PREX2: variants seen among roughly 807,000 people sequenced by gnomAD.
PREX2 encodes the protein phosphatidylinositol 3,4,5-trisphosphate-dependent Rac exchanger 2 protein.
In PREX2, 107 loss-of-function variants were observed where a neutral mutation model predicts 203.2. The observed-to-expected ratio is 0.53, with a 90% CI of 0.45 to 0.62. PREX2 has a LOEUF of 0.62. PREX2 is among the 20% of genes least tolerant of loss of function. The probability of loss-of-function intolerance (pLI) is 0.00; values close to 1 mark genes in which losing one functional copy is unlikely to be tolerated. For synonymous variants in PREX2, 672 were observed against 663.6 expected (o/e 1.01, Z -0.19); for missense variants, 1,777 against 1,955.9 (o/e 0.91, Z 1.72).
intron 14 of PREX2, among the ~76,000 whole-genome samples, chr8:68,075,456 T>C (rs1045022516): frequency 2.0e-5 from 3 of 152,208 alleles, no homozygotes; most frequent in African/African-American, 7.2e-5. Context: ...TCTAAAGCTC[T>C]GCTGCAGCGT....
chr8:68,218,515 A>G (rs1385291771), intron 38 of PREX2, among the ~76,000 whole-genome samples: 1 of 152,240 alleles, frequency 6.6e-6, no homozygotes, highest in Non-Finnish European at 1.5e-5. Flanking sequence ...CAAGAAATTG[A>G]TTTAACAAAT....
intron 5 of PREX2, among the ~76,000 whole-genome samples, chr8:68,028,481 A>C (rs1807794345): frequency 6.6e-6 from 1 of 152,020 alleles, no homozygotes; most frequent in Non-Finnish European, 1.5e-5. Context: ...ATTTGAACTA[A>C]AAATATAGTT....
At chr8:68,230,219 T>A (rs1813139324) in intron 39 of PREX2, among the ~76,000 whole-genome samples, 1 of 152,216 alleles carries the variant, frequency 6.6e-6, no homozygotes, top group Non-Finnish European at 1.5e-5. Context: ...GGATTAAATG[T>A]CAAAGGGAGA....
chr8:68,159,392 C>T (rs1811609610), intron 35 of PREX2, among the ~76,000 whole-genome samples: 1 of 152,100 alleles, frequency 6.6e-6, no homozygotes, highest in Non-Finnish European at 1.5e-5. Flanking sequence ...AGTGAATGGC[C>T]ATATAGTCTC....
intron 35 of PREX2, among the ~76,000 whole-genome samples, chr8:68,169,710 T>A (rs1447786595): frequency 6.6e-6 from 1 of 152,160 alleles, no homozygotes; most frequent in African/African-American, 2.4e-5. Flanking sequence ...TTGTTTACAC[T>A]GTATTAGGCC....
intron 35 of PREX2, among the ~76,000 whole-genome samples, chr8:68,177,549 A>G (rs191496799): frequency 1.3e-5 from 2 of 152,352 alleles, no homozygotes; most frequent in Admixed American, 1.3e-4. Flanking sequence ...TGAATGACAC[A>G]GTAAGGCCCT....
Position 68,019,547 on chromosome 8 carries a change from A to G in PREX2, c.214-2A>G. On this transcript the variant is annotated splice_acceptor_variant, in intron 2 of 39. Coordinates refer to ENST00000288368, the MANE Select transcript of PREX2 (RefSeq NM_024870.4). LOFTEE classifies it high-confidence loss of function. ...CTTACTTACACATTTGTTTATTTAC[A>G]GATGTTGTTCTCAAACATTGAAGAC... The G allele has an allele frequency of 1.9e-6, 3 of 1,605,014 alleles. No homozygotes were observed. Among genetic ancestry groups the G allele is most frequent in the African/African-American group, 1.3e-5 (1 of 74,524 alleles).
chr8:68,112,231 A>T (rs1275511218), intron 25 of PREX2, among the ~76,000 whole-genome samples: 1 of 152,232 alleles, frequency 6.6e-6, no homozygotes, highest in African/African-American at 2.4e-5. Context: ...AAAGTTAAAG[A>T]CTTTTGCCCT....
chr8:68,185,336 A>G (rs895527253), intron 35 of PREX2, among the ~76,000 whole-genome samples: 1 of 151,880 alleles, frequency 6.6e-6, no homozygotes, highest in Non-Finnish European at 1.5e-5. Context: ...CTCTCTCTCT[A>G]CCTTACATGA....
rs1563554531 is a variant in PREX2 at position 68,119,381 on chromosome 8, C to G, written c.3422-51C>G. 2.5e-6 allele frequency: 3 copies of G among 1,203,262 alleles called. No homozygotes were observed. In the Admixed American group the frequency reaches 5.1e-5, roughly 20 times the overall value. The allele number at this position is 1,203,262 out of a possible 1,614,324, so 74.5% of individuals were successfully genotyped here. ...TATTACAATATTTTGGTACGTTAAA[C>G]ATAAGATGAGTGATTTTGGTTTTTG... On this transcript the variant is annotated intron_variant, in intron 27 of 39. Transcript: ENST00000288368.
chr8:68,134,092 T>C lies in PREX2; in HGVS notation c.3800T>C (p.Phe1267Ser). Residue 1267 changes from phenylalanine (F) to serine (S), a missense_variant, in exon 32 of 40, where the codon TTC becomes TCC. Phe to Ser is a radical substitution (Grantham distance 155). Coordinates refer to ENST00000288368, the MANE Select transcript of PREX2 (RefSeq NM_024870.4). ...ACACAGCTCCGTAGAGACATGGTTT[T>C]CTGCCAGACTCTTGTGGCCACTGTC... The part of the protein sequence containing the change: ...SETQLRRDMV[F>S]CQTLVATVCA... 1 of 1,614,176 alleles carries C rather than the reference T, an allele frequency of 6.2e-7. No individual in the cohort carries two copies.
chr8:67,955,442 C>T (rs1386904156), intron 1 of PREX2, among the ~76,000 whole-genome samples: 1 of 152,168 alleles, frequency 6.6e-6, no homozygotes, highest in African/African-American at 2.4e-5. Context: ...GCTGTGCTTC[C>T]TCAGGCCTCT....
intron 26 of PREX2, among the ~76,000 whole-genome samples, chr8:68,118,215 T>C (rs560237067): frequency 1.3e-5 from 2 of 151,786 alleles, no homozygotes; most frequent in South Asian, 2.1e-4. Flanking sequence ...ATTAGCCTGG[T>C]GTGGTGGCGG....
chr8:68,189,422 G>A (rs1474374627), intron 35 of PREX2, among the ~76,000 whole-genome samples: 1 of 152,080 alleles, frequency 6.6e-6, no homozygotes, highest in Non-Finnish European at 1.5e-5. Context: ...CCCATTGCAT[G>A]TTCCTCACAC....
chr8:68,147,399 A>G (rs567238176), intron 34 of PREX2, among the ~76,000 whole-genome samples: 2 of 152,240 alleles, frequency 1.3e-5, no homozygotes, highest in Non-Finnish European at 2.9e-5. Context: ...GGTGGGAGGT[A>G]ATTGAATAAT....
chr8:68,157,289 T>A, intron 34 of PREX2, 33 bp from the exon 35 acceptor site: 1 of 1,189,596 alleles, frequency 8.4e-7, no homozygotes, highest in African/African-American at 1.5e-5. Context: ...AGTTATAAAG[T>A]TGCTTGTAAA....
At chr8:68,204,678 CTTTTTTTTTT>C (rs1192583427) in intron 37 of PREX2, among the ~76,000 whole-genome samples, 2 of 83,426 alleles carry the variant, frequency 2.4e-5, no homozygotes, top group Non-Finnish European at 2.2e-5. Context: ...TTTCTTCTTT[CTTTTTTTTTT>C]TTTTTTTTTT....
chr8:68,230,188 C>T (rs2129615627), intron 39 of PREX2, among the ~76,000 whole-genome samples: 1 of 151,636 alleles, frequency 6.6e-6, no homozygotes, highest in South Asian at 2.1e-4. Flanking sequence ...CATTCTTCTC[C>T]TTTGATCTAT....
intron 4 of PREX2, among the ~76,000 whole-genome samples, chr8:68,024,020 A>G (rs1356252395): frequency 1.3e-5 from 2 of 152,024 alleles, no homozygotes; most frequent in African/African-American, 2.4e-5. Context: ...AAGTGGTAAG[A>G]GTGGGCACAC....
Sources: allele counts gnomAD v4.1 joint callset (sites outside exome capture counted in the v4.1 genomes callset), GRCh38; gene constraint gnomAD v4.1.1; transcripts MANE v1.5; gene names NCBI Gene and HGNC (gene_info 2026-07-23, HGNC 2026-07-21).